Variants in BCL7B observed in about 807,000 individuals in gnomAD.
BCL7B encodes the protein BAF chromatin remodeling complex subunit BCL7B, also known as B-cell CLL/lymphoma 7 protein family member B.
A neutral mutation model predicts 26.5 loss-of-function variants in BCL7B; 11 were observed. The ratio of observed to expected loss-of-function variants is 0.42; its 90% CI spans 0.26 to 0.69. BCL7B has a LOEUF of 0.69. BCL7B is among the 30% of genes least tolerant of loss of function. The probability of loss-of-function intolerance (pLI) is 0.28; values close to 1 mark genes in which losing one functional copy is unlikely to be tolerated. For missense variants in BCL7B, 215 were observed against 264.4 expected (o/e 0.81, Z 1.30); for synonymous variants, 111 against 107.9 (o/e 1.03, Z -0.18).
intron 2 of BCL7B, among the ~76,000 whole-genome samples, chr7:73,548,861 C>G (rs1037294916): frequency 1.3e-5 from 2 of 151,964 alleles, no homozygotes; most frequent in African/African-American, 2.4e-5. Flanking sequence ...AACCAGGAGG[C>G]AGAGGCTGCA....
intron 2 of BCL7B, among the ~76,000 whole-genome samples, chr7:73,550,240 TG>T (rs539636543): frequency 6.0e-4 from 91 of 152,296 alleles, no homozygotes; most frequent in Middle Eastern, 3.4e-3. Context: ...TACAGATACA[TG>T]GAGGGTTCTC....
intron 2 of BCL7B, among the ~76,000 whole-genome samples, chr7:73,547,357 G>A (rs1554583576): frequency 6.6e-6 from 1 of 152,142 alleles, no homozygotes; most frequent in Admixed American, 6.6e-5. Context: ...CCGTTACTTG[G>A]GAGGTGGAGA....
chr7:73,538,154 A>G (rs1237868205), intron 4 of BCL7B, 141 bp from the exon 5 acceptor site: 1 of 481,680 alleles, frequency 2.1e-6, no homozygotes, highest in Non-Finnish European at 3.7e-6. Flanking sequence ...TTCAGGGCCC[A>G]GCTGGACCAG....
At chr7:73,538,530 T>C (rs1791626217) in intron 4 of BCL7B, among the ~76,000 whole-genome samples, 1 of 151,878 alleles carries the variant, frequency 6.6e-6, no homozygotes, top group Admixed American at 6.6e-5. Flanking sequence ...ACAAGAAACC[T>C]GGGTCGGGCA....
chr7:73,554,252 C>G (rs139400242), intron 1 of BCL7B, among the ~76,000 whole-genome samples: 1,881 of 151,714 alleles, frequency 0.012, 38 homozygotes, highest in African/African-American at 0.043. Flanking sequence ...TGTGAGCCAC[C>G]GTGCCCAGCC....
chr7:73,550,727 G>A (rs1037572140), intron 2 of BCL7B, among the ~76,000 whole-genome samples: 2 of 150,638 alleles, frequency 1.3e-5, no homozygotes, highest in East Asian at 2.0e-4. Context: ...GTGCGATCTC[G>A]GCTCACTGCA....
chr7:73,546,137 A>G (rs1433013634), intron 2 of BCL7B, among the ~76,000 whole-genome samples: 1 of 151,440 alleles, frequency 6.6e-6, no homozygotes, highest in African/African-American at 2.4e-5. Flanking sequence ...ATCTCAAAAA[A>G]AAAAAAAAAA....
intron 3 of BCL7B, 52 bp from the exon 4 acceptor site, chr7:73,540,104 A>C: frequency 6.3e-7 from 1 of 1,576,550 alleles, no homozygotes; most frequent in South Asian, 1.2e-5. Flanking sequence ...ATTTTCCTCA[A>C]GAGGAACTCT....
At chr7:73,539,462 G>A (rs1013322938) in intron 4 of BCL7B, among the ~76,000 whole-genome samples, 4 of 151,888 alleles carry the variant, frequency 2.6e-5, no homozygotes, top group Non-Finnish European at 5.9e-5. Context: ...ATGTTGGTCA[G>A]GCTGGTCTTG....
Position 73,552,161 on chromosome 7 carries a change from A to G in BCL7B, c.168+6T>C. On this transcript the variant is annotated splice_donor_region_variant and intron_variant, in intron 2 of 5. Transcript: ENST00000223368. The stretch of plus-strand genomic sequence containing the variant: ...ATGGTATCTTTTGATTTTCTTCCAC[A>G]CTTACCTCCTTGCTGTCTGTCACAG... 1 of 1,605,400 alleles carries G rather than the reference A, an allele frequency of 6.2e-7. No individual in the cohort carries two copies. Among genetic ancestry groups the G allele is most frequent in the Non-Finnish European group, 8.5e-7 (1 of 1,176,412 alleles).
chr7:73,550,527 G>C (rs1012690767), intron 2 of BCL7B, among the ~76,000 whole-genome samples: 1 of 151,662 alleles, frequency 6.6e-6, no homozygotes, highest in African/African-American at 2.4e-5. Context: ...CCTGGCGACA[G>C]AGCGAGAGTC....
chr7:73,546,117 G>C (rs376986053), intron 2 of BCL7B, among the ~76,000 whole-genome samples: 40 of 145,720 alleles, frequency 2.7e-4, no homozygotes, highest in African/African-American at 9.6e-4. Flanking sequence ...GGGTGACAGA[G>C]CGAGACTCCA....
At chr7:73,541,304 C>T (rs1791763531) in intron 3 of BCL7B, among the ~76,000 whole-genome samples, 1 of 152,062 alleles carries the variant, frequency 6.6e-6, no homozygotes. Flanking sequence ...TCAGTTCAAG[C>T]CTCATCATCT....
At chr7:73,557,376 AC>A (rs1243546466) in intron 1 of BCL7B, 110 bp downstream of exon 1, 16 of 1,006,562 alleles carry the variant, frequency 1.6e-5, no homozygotes, top group East Asian at 6.4e-5. Context: ...CTTCTCCCGC[AC>A]CCCCCTCCCC....
At chr7:73,541,112 A>G (rs2115748664) in intron 3 of BCL7B, among the ~76,000 whole-genome samples, 1 of 152,286 alleles carries the variant, frequency 6.6e-6, no homozygotes, top group African/African-American at 2.4e-5. Context: ...GTGCCATTGC[A>G]CTGTAGCCTG....
At chr7:73,538,697 C>T (rs1791634107) in intron 4 of BCL7B, among the ~76,000 whole-genome samples, 1 of 151,702 alleles carries the variant, frequency 6.6e-6, no homozygotes, top group South Asian at 2.1e-4. Flanking sequence ...GCTTACAGTC[C>T]TACTACTACG....
chr7:73,557,217 T>C, intron 1 of BCL7B: 2 of 1,059,354 alleles, frequency 1.9e-6, no homozygotes, highest in Non-Finnish European at 2.3e-6. Flanking sequence ...GCAGCTCCAG[T>C]CCGGGCCGGA....
rs1791546409 is a variant in BCL7B, at chr7:73,536,803, A to C, written c.*495T>G. On this transcript the variant is annotated 3_prime_UTR_variant, in exon 6 of 6. Transcript: ENST00000223368. Reference sequence around the variant, plus strand: ...CGGACTCTCTGCCCTTGTGTGGAGAAAAGCCCTTCCCTTCCCTCCAATGTC... The same window carrying C: ...CGGACTCTCTGCCCTTGTGTGGAGACAAGCCCTTCCCTTCCCTCCAATGTC... The C allele has an allele frequency of 6.5e-6, 1 of 153,220 alleles. No individual in the cohort carries two copies. Among genetic ancestry groups the C allele is most frequent in the African/African-American group, 2.4e-5 (1 of 41,460 alleles). 9.5% of individuals were successfully genotyped at this position (153,220 alleles called of 1,614,324 possible).
At chr7:73,557,201 C>T (rs7793710) in intron 1 of BCL7B, 7 of 1,043,392 alleles carry the variant, frequency 6.7e-6, no homozygotes, top group Non-Finnish European at 8.1e-6. Flanking sequence ...CGGGCACCGA[C>T]GCCAGGCAGC....
Sources: allele counts gnomAD v4.1 joint callset (sites outside exome capture counted in the v4.1 genomes callset), GRCh38; gene constraint gnomAD v4.1.1; transcripts MANE v1.5; gene names NCBI Gene and HGNC (gene_info 2026-07-23, HGNC 2026-07-21).